The following FBXL5 variants were observed in gnomAD, a reference collection of about 807,000 sequenced individuals.
FBXL5 encodes the protein F-box and leucine rich repeat protein 5, also known as F-box/LRR-repeat protein 5.
Under a neutral mutation model 78.3 loss-of-function variants are expected in FBXL5, and 26 were observed. The observed-to-expected ratio is 0.33, with a 90% CI of 0.24 to 0.46. The LOEUF (loss-of-function observed/expected upper bound fraction) is 0.46. FBXL5 is among the 20% of genes least tolerant of loss of function. The pLI is 1.00. For missense variants in FBXL5, 710 were observed against 829.2 expected (o/e 0.86, Z 1.77); for synonymous variants, 295 against 282.5 (o/e 1.04, Z -0.45).
intron 5 of FBXL5, among the ~76,000 whole-genome samples, chr4:15,635,829 A>G (rs564175244): frequency 5.3e-5 from 8 of 151,764 alleles, no homozygotes; most frequent in Non-Finnish European, 8.8e-5. Flanking sequence ...AATGTATGCT[A>G]TATTAGTTGT....
intron 5 of FBXL5, among the ~76,000 whole-genome samples, chr4:15,632,609 C>T (rs994761081): frequency 6.6e-6 from 1 of 152,108 alleles, no homozygotes; most frequent in Non-Finnish European, 1.5e-5. Context: ...GTTTGTAGTT[C>T]TCCTTGAAGA....
At chr4:15,671,821 A>G (rs1717783018) in intron 1 of FBXL5, among the ~76,000 whole-genome samples, 1 of 152,132 alleles carries the variant, frequency 6.6e-6, no homozygotes, top group African/African-American at 2.4e-5. Flanking sequence ...TTCTTCCACA[A>G]TGTCCAATCT....
intron 1 of FBXL5, among the ~76,000 whole-genome samples, chr4:15,668,730 CA>C (rs1717645612): frequency 6.6e-6 from 1 of 152,164 alleles, no homozygotes; most frequent in African/African-American, 2.4e-5. Flanking sequence ...AAAATACATT[CA>C]AGTTCCCAGA....
chr4:15,627,514 C>A (rs557237579), intron 7 of FBXL5, among the ~76,000 whole-genome samples: 22 of 152,100 alleles, frequency 1.4e-4, no homozygotes, highest in Non-Finnish European at 2.8e-4. Context: ...TGTAGGAAGT[C>A]GTAATATCCA....
intron 1 of FBXL5, among the ~76,000 whole-genome samples, chr4:15,648,523 C>T (rs1715603910): frequency 6.6e-6 from 1 of 152,156 alleles, no homozygotes; most frequent in East Asian, 1.9e-4. Context: ...GTGATATATA[C>T]AATAAAATAT....
intron 1 of FBXL5, among the ~76,000 whole-genome samples, chr4:15,645,014 T>C (rs1715220784): frequency 6.6e-6 from 1 of 152,152 alleles, no homozygotes; most frequent in Admixed American, 6.5e-5. Flanking sequence ...TAAAATTTCA[T>C]TACTCTATAT....
At chr4:15,625,087 A>G (rs1283288686) in intron 9 of FBXL5, among the ~76,000 whole-genome samples, 165 bp downstream of exon 9, 1 of 152,272 alleles carries the variant, frequency 6.6e-6, no homozygotes, top group Non-Finnish European at 1.5e-5. Flanking sequence ...CTTCATACTG[A>G]TAACAGAAGT....
chr4:15,666,837 C>G (rs955520477), intron 1 of FBXL5, among the ~76,000 whole-genome samples: 7 of 150,836 alleles, frequency 4.6e-5, no homozygotes, highest in African/African-American at 1.5e-4. Context: ...CAAAACTAAA[C>G]TAAACTAAGA....
At chr4:15,638,140 A>G (rs1474634642) in intron 4 of FBXL5, among the ~76,000 whole-genome samples, 4 of 152,208 alleles carry the variant, frequency 2.6e-5, no homozygotes, top group African/African-American at 9.7e-5. Flanking sequence ...AAGCTCAGGA[A>G]GCAGGATGAT....
chr4:15,662,830 T>C (rs1786), upstream of FBXL5, among the ~76,000 whole-genome samples: 36,763 of 152,080 alleles, frequency 0.24, 4,696 homozygotes, highest in African/African-American at 0.28. Context: ...AGCAGAATAG[T>C]GAACAAGTTT....
upstream of FBXL5, chr4:15,659,786 A>G (rs1310321962): frequency 1.0e-6 from 1 of 969,182 alleles, no homozygotes; most frequent in Non-Finnish European, 1.2e-6. Flanking sequence ...TTGATTTTCA[A>G]CCAGAGGCTC....
intron 9 of FBXL5, among the ~76,000 whole-genome samples, chr4:15,617,115 G>A (rs113539579): frequency 5.9e-5 from 9 of 152,262 alleles, no homozygotes; most frequent in African/African-American, 2.2e-4. Flanking sequence ...CCATTACTAG[G>A]TATATAACCA....
intron 1 of FBXL5, among the ~76,000 whole-genome samples, chr4:15,644,977 G>A (rs985137863): frequency 6.6e-5 from 10 of 152,172 alleles, no homozygotes; most frequent in African/African-American, 2.4e-4. Context: ...TTAAAGAGAA[G>A]AGATTAAACC....
intron 1 of FBXL5, among the ~76,000 whole-genome samples, chr4:15,674,500 C>A (rs773276207): frequency 6.6e-6 from 1 of 152,016 alleles, no homozygotes. Flanking sequence ...CTCCATTTTA[C>A]GTTTATATAT....
chr4:15,662,504 A>G (rs1178734232), upstream of FBXL5, among the ~76,000 whole-genome samples: 1 of 152,200 alleles, frequency 6.6e-6, no homozygotes, highest in Non-Finnish European at 1.5e-5. Context: ...TAATATTGCT[A>G]TATACATTAA....
intron 5 of FBXL5, among the ~76,000 whole-genome samples, chr4:15,634,721 T>C (rs528567610): frequency 1.8e-4 from 28 of 152,254 alleles, no homozygotes; most frequent in Middle Eastern, 3.4e-3. Context: ...CCAGGCTTAT[T>C]GGAACTTTTT....
intron 5 of FBXL5, among the ~76,000 whole-genome samples, chr4:15,632,194 T>G (rs1302954945): frequency 6.6e-6 from 1 of 152,216 alleles, no homozygotes; most frequent in Non-Finnish European, 1.5e-5. Flanking sequence ...ATTTCTTGTT[T>G]TTCTCAGGTT....
Position 15,655,251 on chromosome 4 carries a change from C to G in FBXL5, c.37G>C (p.Ala13Pro). ...AGCTGCTTCATCCGCCAGTGTGGGGCGGTGAAGACGTCCACTTCTTCAGGA... is the reference window on the plus strand; with the variant it reads ...AGCTGCTTCATCCGCCAGTGTGGGGGGGTGAAGACGTCCACTTCTTCAGGA... The part of the protein sequence containing the change: ...PFPEEVDVFT[A>P]PHWRMKQLVG... The change falls in exon 1 of 11, where the codon GCC (alanine) becomes CCC (proline). Residue 13 changes from alanine (A) to proline (P), a missense_variant. Transcript: ENST00000341285. 6.9e-7 allele frequency: 1 copy of G among 1,441,868 alleles called. No individual in the cohort carries two copies. Among genetic ancestry groups the G allele is most frequent in the Non-Finnish European group, 9.3e-7 (1 of 1,078,150 alleles). 89.3% of individuals were successfully genotyped at this position (1,441,868 alleles called of 1,614,324 possible).
At chr4:15,615,764 C>G (rs1014617820) in intron 9 of FBXL5, among the ~76,000 whole-genome samples, 33 of 151,804 alleles carry the variant, frequency 2.2e-4, no homozygotes, top group African/African-American at 7.5e-4. Flanking sequence ...GTAAACGCAC[C>G]AATCAGCGCC....
Sources: allele counts gnomAD v4.1 joint callset (sites outside exome capture counted in the v4.1 genomes callset), GRCh38; gene constraint gnomAD v4.1.1; transcripts MANE v1.5; gene names NCBI Gene and HGNC (gene_info 2026-07-23, HGNC 2026-07-21).